CR1L: variants seen among roughly 807,000 people sequenced by gnomAD.
CR1L encodes the protein complement C3b/C4b receptor 1 like.
In CR1L, 59 loss-of-function variants were observed where a neutral mutation model predicts 62.3. That is an observed-to-expected ratio of 0.95 (90% CI 0.77 to 1.18). The LOEUF (loss-of-function observed/expected upper bound fraction) is 1.18. CR1L is among the 50% of genes most tolerant of loss of function. CR1L has a pLI of 0.00. For missense variants in CR1L, 700 were observed against 702.8 expected (o/e 1.00, Z 0.04); for synonymous variants, 279 against 248.7 (o/e 1.12, Z -1.15).
At chr1:207,701,705 G>A (rs199501186) in intron 9 of CR1L, 87 bp downstream of exon 9, 106 of 1,538,486 alleles carry the variant, frequency 6.9e-5, no homozygotes, top group Non-Finnish European at 8.8e-5. Flanking sequence ...AAACTAGGCT[G>A]TTGCCACCTG....
At chr1:207,697,386 G>A (rs1664114166) in intron 5 of CR1L, 117 bp from the exon 6 acceptor site, 4 of 1,590,114 alleles carry the variant, frequency 2.5e-6, no homozygotes, top group Non-Finnish European at 3.4e-6. Context: ...TAATAAGGCT[G>A]TTATTCTACC....
intron 1 of CR1L, among the ~76,000 whole-genome samples, chr1:207,671,239 C>A (rs1663611022): frequency 6.6e-6 from 1 of 150,736 alleles, no homozygotes; most frequent in Non-Finnish European, 1.5e-5. Context: ...ATCTGAAAAC[C>A]CTCATGCATG....
chr1:207,710,174 A>G (rs1290000243), intron 10 of CR1L, among the ~76,000 whole-genome samples: 4 of 151,772 alleles, frequency 2.6e-5, no homozygotes, highest in Non-Finnish European at 4.4e-5. Flanking sequence ...CCAAACCCCA[A>G]CTCCACCAGA....
chr1:207,699,677 A>C (rs1013159099), intron 8 of CR1L, among the ~76,000 whole-genome samples: 3 of 151,696 alleles, frequency 2.0e-5, no homozygotes, highest in African/African-American at 7.3e-5. Flanking sequence ...ATCAATGTGC[A>C]GTCAGTCTAC....
intron 8 of CR1L, 141 bp downstream of exon 8, chr1:207,699,415 G>A: frequency 8.8e-6 from 9 of 1,027,286 alleles, no homozygotes; most frequent in Middle Eastern, 2.1e-4. Context: ...GTAATGTTTG[G>A]TTGTGAATCA....
chr1:207,721,798 A>T (rs2102486411), intron 11 of CR1L, among the ~76,000 whole-genome samples: 1 of 151,228 alleles, frequency 6.6e-6, no homozygotes, highest in African/African-American at 2.4e-5. Context: ...ACTAGTTTAC[A>T]GTCCCACCAA....
intron 4 of CR1L, among the ~76,000 whole-genome samples, chr1:207,690,443 T>C (rs1663979744): frequency 6.6e-6 from 1 of 152,244 alleles, no homozygotes; most frequent in Admixed American, 6.5e-5. Context: ...TGGCCCAGAA[T>C]ATGGATGATT....
In CR1L at chr1:207,666,562, G is replaced by T. The variant is rs533112653; in HGVS notation, c.98-10827G>T. On this transcript the variant is annotated intron_variant, in intron 1 of 11. Coordinates refer to ENST00000508064, the MANE Select transcript of CR1L (RefSeq NM_175710.2). ...TCATGTCCTCTTCAGGGACATGGAT[G>T]GATCTAGAGGCCATTATCCATTGCA... is the stretch of plus-strand genomic sequence containing the variant. Among the ~76,000 whole-genome samples, 12 of 152,250 alleles carry T rather than the reference G, an allele frequency of 7.9e-5. No individual in the cohort carries two copies. The South Asian group carries it at 2.5e-3, about 32-fold the overall frequency.
intron 4 of CR1L, among the ~76,000 whole-genome samples, chr1:207,689,176 A>G (rs1249077299): frequency 1.3e-5 from 2 of 152,106 alleles, no homozygotes; most frequent in Admixed American, 1.3e-4. Flanking sequence ...TTGCTAAAAG[A>G]TTTATCATGA....
chr1:207,675,791 G>C (rs1318009868), intron 1 of CR1L, among the ~76,000 whole-genome samples: 1 of 152,198 alleles, frequency 6.6e-6, no homozygotes, highest in Non-Finnish European at 1.5e-5. Context: ...GTTTGACTCT[G>C]TGATTTTTGT....
chr1:207,677,930 T>C (rs1205635113), intron 2 of CR1L, among the ~76,000 whole-genome samples: 1 of 152,208 alleles, frequency 6.6e-6, no homozygotes, highest in Non-Finnish European at 1.5e-5. Flanking sequence ...TTGGATTATA[T>C]CAGTTGAATT....
At chr1:207,689,479 C>T (rs1571521783) in intron 4 of CR1L, among the ~76,000 whole-genome samples, 1 of 152,012 alleles carries the variant, frequency 6.6e-6, no homozygotes, top group African/African-American at 2.4e-5. Context: ...ATCATTGTAT[C>T]ATCCTTTGGA....
intron 2 of CR1L, 100 bp from the exon 3 acceptor site, chr1:207,678,098 A>G (rs970525913): frequency 2.5e-5 from 25 of 1,014,688 alleles, no homozygotes; most frequent in African/African-American, 6.4e-5. Flanking sequence ...TCAGAACTGC[A>G]TGTGTTCCTC....
At chr1:207,685,169 A>G (rs2102463012) in intron 4 of CR1L, among the ~76,000 whole-genome samples, 1 of 152,322 alleles carries the variant, frequency 6.6e-6, no homozygotes, top group Admixed American at 6.5e-5. Context: ...CTATATTTTT[A>G]TCTCTGTTTC....
At chr1:207,708,675 C>T (rs1435502604) in intron 10 of CR1L, among the ~76,000 whole-genome samples, 1 of 152,216 alleles carries the variant, frequency 6.6e-6, no homozygotes, top group Non-Finnish European at 1.5e-5. Context: ...TATTCTTTGT[C>T]TAAACAGGAT....
At chr1:207,678,055 A>T in intron 2 of CR1L, 143 bp from the exon 3 acceptor site, 1 of 702,102 alleles carries the variant, frequency 1.4e-6, no homozygotes, top group East Asian at 2.7e-5. Context: ...CAGTCTGGTG[A>T]GTTTCCTCAA....
chr1:207,693,597 G>A (rs1233753524), intron 4 of CR1L, among the ~76,000 whole-genome samples: 1 of 152,026 alleles, frequency 6.6e-6, no homozygotes, highest in Non-Finnish European at 1.5e-5. Flanking sequence ...GAGTTTTTGT[G>A]GACTAATATA....
rs757374681 is a variant in CR1L at position 207,694,333 on chromosome 1, C to CTG, written c.464-17_464-16dup. On this transcript the variant is annotated intron_variant, in intron 4 of 11. Transcript: ENST00000508064. ...TTTTGTCATTCATTATTTAAATTGA[C>CTG]TGTGCTCTTCCTTTCCCAGGAATTA... The CTG allele has an allele frequency of 1.9e-6, 3 of 1,613,412 alleles. No homozygotes were observed. In the South Asian group the frequency reaches 3.3e-5, roughly 18 times the overall value.
At chr1:207,703,457 T>C (rs1664222786) in intron 9 of CR1L, among the ~76,000 whole-genome samples, 1 of 152,234 alleles carries the variant, frequency 6.6e-6, no homozygotes, top group Non-Finnish European at 1.5e-5. Context: ...CATGGTTTAC[T>C]GAATATTTTA....
Sources: gnomAD v4.1 joint callset for allele counts (sites outside exome capture counted in the v4.1 genomes callset) on GRCh38, gnomAD v4.1.1 for gene constraint, MANE v1.5 for transcripts, NCBI Gene and HGNC (gene_info 2026-07-23, HGNC 2026-07-21) for gene names.